DAB1: variants seen among roughly 807,000 people sequenced by gnomAD.
DAB1 encodes DAB adaptor protein 1.
In DAB1, 15 loss-of-function variants were observed where a neutral mutation model predicts 64.6. The observed-to-expected ratio is 0.23, with a 90% CI of 0.16 to 0.36. The LOEUF is 0.36. DAB1 is among the 10% of genes least tolerant of loss of function. DAB1 has a pLI of 1.00. For missense variants in DAB1, 596 were observed against 706.7 expected, an observed-to-expected ratio of 0.84 and a Z score of 1.78; for synonymous variants, 235 against 251.9, an observed-to-expected ratio of 0.93 and a Z score of 0.64.
chr1:57,133,271 AT>A (rs1237504371), intron 4 of DAB1, among the ~76,000 whole-genome samples: 1 of 152,276 alleles, frequency 6.6e-6, no homozygotes, highest in East Asian at 1.9e-4. Flanking sequence ...AGTATATATC[AT>A]TTTTTATGAT....
At chr1:58,354,166 T>C (rs1209597865) in intron 3 of DAB1, among the ~76,000 whole-genome samples, 7 of 152,076 alleles carry the variant, frequency 4.6e-5, no homozygotes, top group Non-Finnish European at 8.8e-5. Flanking sequence ...GGGAATAAAC[T>C]GATGGAGGGG....
At chr1:57,269,267 A>G (rs1670809647) in intron 2 of DAB1, among the ~76,000 whole-genome samples, 1 of 152,106 alleles carries the variant, frequency 6.6e-6, no homozygotes, top group South Asian at 2.1e-4. Context: ...ATATACAGAA[A>G]GCCTTGCCAT....
At chr1:58,473,886 A>T in intron 3 of DAB1, 1 of 831,922 alleles carries the variant, frequency 1.2e-6, no homozygotes, top group Non-Finnish European at 1.8e-6. Context: ...ACTCCGACAG[A>T]TTTCTGTGTT....
intron 2 of DAB1, among the ~76,000 whole-genome samples, chr1:57,257,283 T>G (rs1015676370): frequency 1.3e-5 from 2 of 152,166 alleles, no homozygotes; most frequent in African/African-American, 4.8e-5. Flanking sequence ...TCTCCAACAC[T>G]GCCAGCTGCT....
rs1644400199 is a variant in DAB1, at chr1:57,896,931, T to A, written n.388-12769A>T. On this transcript the variant is annotated intron_variant and non_coding_transcript_variant, in intron 5 of 20. Transcript: ENST00000485760. ...ACCTACTCCAAAGAAAAGAGAGATG[T>A]CAACACTCTCATTATTATAGCATTC... Among the ~76,000 whole-genome samples, 3 of 152,286 alleles carry A rather than the reference T, an allele frequency of 2.0e-5. No individual in the cohort carries two copies. In the South Asian group the frequency reaches 6.2e-4, roughly 32 times the overall value.
In DAB1 at chr1:58,173,704, A is replaced by T. The variant is rs368944036; in HGVS notation, n.310-23116T>A. On this transcript the variant is annotated intron_variant and non_coding_transcript_variant, in intron 4 of 20. Transcript: ENST00000485760. Reference sequence around the variant, plus strand: ...CTCACACACCTTTTTAACATACACAACCAGTTCTGTCTATGCAGCCGAAGT... The same window carrying T: ...CTCACACACCTTTTTAACATACACATCCAGTTCTGTCTATGCAGCCGAAGT... 3.4e-4 allele frequency among the ~76,000 whole-genome samples: 51 copies of T among 152,238 alleles called. No individual in the cohort carries two copies. In the South Asian group the frequency reaches 0.01, roughly 31 times the overall value.
chr1:57,840,739 T>C (rs1653012708), intron 1 of DAB1, among the ~76,000 whole-genome samples: 1 of 152,098 alleles, frequency 6.6e-6, no homozygotes, highest in Non-Finnish European at 1.5e-5. Context: ...CACTATCATG[T>C]GAATAGCATG....
intron 3 of DAB1, among the ~76,000 whole-genome samples, chr1:58,378,706 ACCC>A (rs1644354128): frequency 1.1e-3 from 68 of 60,622 alleles, no homozygotes; most frequent in African/African-American, 5.8e-3. Flanking sequence ...GGTGGGCTCC[ACCC>A]AGTTCGAGCT....
At chr1:58,119,795 T>C (rs1652626965) in intron 5 of DAB1, among the ~76,000 whole-genome samples, 1 of 152,238 alleles carries the variant, frequency 6.6e-6, no homozygotes, top group Non-Finnish European at 1.5e-5. Context: ...TTTATGAATC[T>C]ATTCAATAAG....
intron 1 of DAB1, among the ~76,000 whole-genome samples, chr1:57,370,961 C>T (rs560019896): frequency 6.6e-6 from 1 of 152,330 alleles, no homozygotes; most frequent in South Asian, 2.1e-4. Context: ...TGGCTGCTGT[C>T]CCCTGACTTT....
chr1:57,233,579 T>C (rs1305626624), intron 2 of DAB1, among the ~76,000 whole-genome samples: 1 of 151,556 alleles, frequency 6.6e-6, no homozygotes, highest in African/African-American at 2.4e-5. Context: ...ACCAACATGG[T>C]GAAACCCCGT....
chr1:58,499,461 G>A (rs1257295571), intron 3 of DAB1, among the ~76,000 whole-genome samples: 1 of 123,970 alleles, frequency 8.1e-6, no homozygotes, highest in Non-Finnish European at 1.8e-5. Flanking sequence ...CTCCAGCCTA[G>A]GGAACAAAGC....
intron 4 of DAB1, among the ~76,000 whole-genome samples, chr1:57,093,300 C>T (rs541528246): frequency 6.6e-6 from 1 of 152,260 alleles, no homozygotes; most frequent in African/African-American, 2.4e-5. Flanking sequence ...GAGAGTGATA[C>T]TCTGTTGGCT....
At chr1:58,445,187 G>A (rs898151489) in intron 3 of DAB1, among the ~76,000 whole-genome samples, 1 of 152,194 alleles carries the variant, frequency 6.6e-6, no homozygotes, top group African/African-American at 2.4e-5. Flanking sequence ...TCAGATGGAA[G>A]ATAACCAAAT....
chr1:57,724,428 T>C (rs1647185027), intron 6 of DAB1, among the ~76,000 whole-genome samples: 1 of 152,102 alleles, frequency 6.6e-6, no homozygotes, highest in Non-Finnish European at 1.5e-5. Flanking sequence ...CCTTAGTCAC[T>C]GGGAAAATTG....
At chr1:57,105,462 C>T (rs1203919796) in intron 4 of DAB1, among the ~76,000 whole-genome samples, 2 of 151,972 alleles carry the variant, frequency 1.3e-5, no homozygotes, top group East Asian at 1.9e-4. Flanking sequence ...TGGGAGCAGC[C>T]GCAGTCGCCC....
chr1:57,087,917 T>G (rs183536875), intron 4 of DAB1, among the ~76,000 whole-genome samples: 3,306 of 152,222 alleles, frequency 0.022, 126 homozygotes, highest in African/African-American at 0.075. Flanking sequence ...GGTGCAGGGA[T>G]CATAATAGAC....
chr1:57,845,701 C>T (rs1001430074), intron 1 of DAB1, among the ~76,000 whole-genome samples: 1 of 152,160 alleles, frequency 6.6e-6, no homozygotes, highest in African/African-American at 2.4e-5. Context: ...TATAAAAGGT[C>T]ATTCTCTCTT....
At chr1:57,839,504 A>C (rs1652958386) in intron 1 of DAB1, among the ~76,000 whole-genome samples, 1 of 152,264 alleles carries the variant, frequency 6.6e-6, no homozygotes, top group Admixed American at 6.5e-5. Flanking sequence ...TATTGGCTAA[A>C]AAACATTTAT....
Sources: allele counts gnomAD v4.1 joint callset (sites outside exome capture counted in the v4.1 genomes callset), GRCh38; gene constraint gnomAD v4.1.1; transcripts MANE v1.5; gene names NCBI Gene and HGNC (gene_info 2026-07-23, HGNC 2026-07-21).